The following BAZ2A variants were observed in gnomAD, a reference collection of about 807,000 sequenced individuals.
BAZ2A encodes the protein bromodomain adjacent to zinc finger domain 2A.
A neutral mutation model predicts 199.9 loss-of-function variants in BAZ2A; 34 were observed. The ratio of observed to expected loss-of-function variants is 0.17; its 90% CI spans 0.13 to 0.23. The LOEUF is 0.23. Ranked by LOEUF, BAZ2A falls within the 10% of genes least tolerant of loss-of-function variation. The pLI is 1.00. For missense variants in BAZ2A, 2,002 were observed against 2,391.1 expected (o/e 0.84, Z 3.39); for synonymous variants, 857 against 883.9 (o/e 0.97, Z 0.54).
intron 2 of BAZ2A, among the ~76,000 whole-genome samples, chr12:56,616,044 C>T (rs768869640): frequency 1.3e-5 from 2 of 152,160 alleles, no homozygotes; most frequent in South Asian, 2.1e-4. Flanking sequence ...GCTGGGACCA[C>T]AGGCGCCCAT....
intron 2 of BAZ2A, among the ~76,000 whole-genome samples, chr12:56,616,112 C>G (rs930464940): frequency 6.6e-6 from 1 of 152,110 alleles, no homozygotes; most frequent in African/African-American, 2.4e-5. Flanking sequence ...CCGTGTTGGC[C>G]AGGATGGTCT....
chr12:56,611,229 A>C, intron 7 of BAZ2A: 1 of 373,572 alleles, frequency 2.7e-6, no homozygotes, highest in Non-Finnish European at 4.9e-6. Context: ...GTACTAAGTC[A>C]CTCCTCATTC....
intron 4 of BAZ2A, 23 bp downstream of exon 4, chr12:56,613,930 A>C: frequency 6.2e-7 from 1 of 1,605,276 alleles, no homozygotes; most frequent in South Asian, 1.1e-5. Flanking sequence ...GATAAGTTAA[A>C]GGGACATAGC....
chr12:56,609,420 C>T (rs1194081946), intron 10 of BAZ2A, among the ~76,000 whole-genome samples: 1 of 152,082 alleles, frequency 6.6e-6, no homozygotes, highest in Non-Finnish European at 1.5e-5. Flanking sequence ...TAAAAGGGTA[C>T]AACTGAACCA....
intron 1 of BAZ2A, among the ~76,000 whole-genome samples, chr12:56,619,367 G>C (rs927829147): frequency 6.6e-6 from 1 of 151,072 alleles, no homozygotes; most frequent in African/African-American, 2.4e-5. Context: ...AAGGAGCAGG[G>C]TGTGGTGGGG....
At chr12:56,622,838 A>G (rs1950961598) in intron 1 of BAZ2A, among the ~76,000 whole-genome samples, 1 of 152,182 alleles carries the variant, frequency 6.6e-6, no homozygotes, top group Admixed American at 6.5e-5. Context: ...ACATTGCCCT[A>G]TAAGCTTGAA....
At chr12:56,626,357 C>T (rs780152260) in intron 1 of BAZ2A, among the ~76,000 whole-genome samples, 4 of 152,332 alleles carry the variant, frequency 2.6e-5, no homozygotes, top group Admixed American at 1.3e-4. Context: ...AACTTCTATA[C>T]TGTTTCAGCA....
rs377539973 is a variant in BAZ2A at position 56,606,644 on chromosome 12, T to C, written c.2182A>G (p.Ile728Val). The C allele has an allele frequency of 1.4e-5, 23 of 1,613,462 alleles. No individual in the cohort carries two copies. The highest frequency in any genetic ancestry group is 1.8e-5 in the Non-Finnish European group (21 of 1,179,622). ...CTGATGTCCCTCACCTGCCCTTGGATAGTAGTCTGACACTCTCCCCGTTGA... is the reference window on the plus strand; with the variant it reads ...CTGATGTCCCTCACCTGCCCTTGGACAGTAGTCTGACACTCTCCCCGTTGA... ...KVQRGECQTT[I>V]QGQARNKRKQ... Residue 728 changes from isoleucine (I) to valine (V), a missense_variant, in exon 11 of 29, where the codon ATC (isoleucine) becomes GTC (valine). Physicochemically the swap from Ile to Val is conservative, Grantham distance 29 (BLOSUM62 3). This residue lies in a region of BAZ2A where 1,081 missense variants were observed against 1,274.7 expected (regional missense o/e 0.85). Transcript: ENST00000549884.
Position 56,615,441 on chromosome 12 carries a change from A to C in BAZ2A, c.303T>G (p.Pro101=). The change falls in exon 3 of 29, where the codon CCT becomes CCG. Residue 101 remains proline, a synonymous_variant. Transcript: ENST00000549884. ...WNYSQYPSAN[P]GSNLKDPPLL... ...GGGGTGGGTCCTTGAGGTTGCTGCC[A>C]GGATTGGCAGATGGGTACTGTGAGT... 1 of 1,613,152 alleles carries C rather than the reference A, an allele frequency of 6.2e-7. No individual in the cohort carries two copies. Among genetic ancestry groups the C allele is most frequent in the Non-Finnish European group, 8.5e-7 (1 of 1,179,808 alleles).
At chr12:56,628,677 T>C (rs1951191716) in intron 1 of BAZ2A, among the ~76,000 whole-genome samples, 1 of 152,168 alleles carries the variant, frequency 6.6e-6, no homozygotes, top group Non-Finnish European at 1.5e-5. Context: ...TAAATCTTCC[T>C]CACCCCTTCC....
chr12:56,612,627 C>T (rs1698690498), intron 5 of BAZ2A, among the ~76,000 whole-genome samples: 1 of 152,110 alleles, frequency 6.6e-6, no homozygotes, highest in Non-Finnish European at 1.5e-5. Flanking sequence ...CTCTTGCTTT[C>T]CTACTTTTTT....
At chr12:56,608,310 T>C (rs568825895) in intron 10 of BAZ2A, among the ~76,000 whole-genome samples, 1 of 151,172 alleles carries the variant, frequency 6.6e-6, no homozygotes, top group Admixed American at 6.6e-5. Flanking sequence ...AGGCAGAGCT[T>C]GTAGTGAGCC....
intron 10 of BAZ2A, among the ~76,000 whole-genome samples, chr12:56,607,040 A>G (rs1033855166): frequency 7.2e-5 from 11 of 152,182 alleles, no homozygotes; most frequent in African/African-American, 2.7e-4. Flanking sequence ...ATGGCAGAGT[A>G]GCCTTGGAGC....
intron 16 of BAZ2A, 33 bp from the exon 17 acceptor site, chr12:56,603,733 C>A (rs532065026): frequency 8.7e-6 from 14 of 1,610,664 alleles, no homozygotes; most frequent in Non-Finnish European, 1.2e-5. Context: ...TAAGGGAAGG[C>A]CAAGTGTGGT....
chr12:56,621,240 T>A lies in BAZ2A; in HGVS notation c.-2-3708A>T, dbSNP rs908734207. ...TGAATCCAAGAACAAAGTTGTGACC[T>A]CCTCTCTGCTGCTCTGGAAAAGCAC... On this transcript the variant is annotated intron_variant, in intron 1 of 28. Coordinates refer to ENST00000549884, the MANE Select transcript of BAZ2A (RefSeq NM_001300905.2). 5.1e-6 allele frequency: 5 copies of A among 985,214 alleles called. No homozygotes were observed. In the African/African-American group the frequency reaches 8.8e-5, roughly 17 times the overall value. The allele number at this position is 985,214 out of a possible 1,614,324, so 61.0% of individuals were successfully genotyped here. A position where few individuals can be genotyped will look rare whatever the true frequency, so the allele number is the denominator to read the frequency against.
upstream of BAZ2A, among the ~76,000 whole-genome samples, chr12:56,637,443 G>C (rs1333182300): frequency 1.3e-5 from 2 of 152,144 alleles, no homozygotes; most frequent in Non-Finnish European, 2.9e-5. Context: ...CTTCACAGAG[G>C]GTGGACTAGG....
Position 56,614,068 on chromosome 12 carries a change from C to G in BAZ2A, c.801G>C (p.Leu267=), listed in dbSNP as rs554132918. 1.4e-5 allele frequency: 23 copies of G among 1,613,804 alleles called. No homozygotes were observed. The highest frequency in any genetic ancestry group is 1.7e-5 in the Non-Finnish European group (20 of 1,179,876). The change falls in exon 4 of 29, where the codon CTG becomes CTC. Residue 267 remains leucine, a synonymous_variant. Transcript: ENST00000549884. ...AACAGCTCACTGTGGGGTCAGGGAC[C>G]AGGACTGAGACCTCTTGGTGTAACG... ...VESLHQEVSV[L]VPDPTVSCLD... is the part of the protein sequence containing the mutation.
upstream of BAZ2A, among the ~76,000 whole-genome samples, chr12:56,635,224 G>A (rs1592639703): frequency 6.6e-6 from 1 of 152,158 alleles, no homozygotes; most frequent in East Asian, 1.9e-4. This position sits in a 1 kb window ranked among gnomAD's most constrained non-coding sequence, Gnocchi z 4.1. Flanking sequence ...GAAAGAGACA[G>A]AAACTTCTGC....
chr12:56,604,417 G>C, intron 15 of BAZ2A, 126 bp from the exon 16 acceptor site: 1 of 1,303,264 alleles, frequency 7.7e-7, no homozygotes, highest in South Asian at 1.4e-5. Context: ...AATGGCAGAA[G>C]GCTTAGGCTC....
Sources: allele counts gnomAD v4.1 joint callset (sites outside exome capture counted in the v4.1 genomes callset), GRCh38; gene constraint gnomAD v4.1.1; regional missense constraint gnomAD v4.1.1; non-coding constraint Gnocchi (gnomAD v3.1); transcripts MANE v1.5; gene names NCBI Gene and HGNC (gene_info 2026-07-23, HGNC 2026-07-21).